The following UPRT variants were observed in gnomAD, a reference collection of about 807,000 sequenced individuals.
UPRT encodes the protein RP11-311P8.3.
A neutral mutation model predicts 22.6 loss-of-function variants in UPRT; 5 were observed. The ratio of observed to expected loss-of-function variants is 0.22; its 90% confidence interval spans 0.12 to 0.47. The LOEUF (loss-of-function observed/expected upper bound fraction) is 0.47. UPRT is among the 20% of genes least tolerant of loss of function. The pLI is 0.99. For missense variants in UPRT, 181 were observed against 239.9 expected (o/e 0.75, Z 1.62); for synonymous variants, 77 against 87.7 (o/e 0.88, Z 0.68).
chrX:75,173,508 C>G (rs1319769657), intron 4 of UPRT, among the ~76,000 whole-genome samples: 1 of 112,703 alleles, frequency 8.9e-6, no homozygotes, highest in Non-Finnish European at 1.9e-5. Context: ...CACGTCCCCA[C>G]CAGACTCAGG....
chrX:75,171,928 G>A (rs970784194), intron 4 of UPRT, among the ~76,000 whole-genome samples: 14 of 111,990 alleles, frequency 1.3e-4, no homozygotes, highest in African/African-American at 4.5e-4. Context: ...GTCCTGTGAT[G>A]TGAACTGTCT....
chrX:75,168,756 C>T (rs934461823), intron 4 of UPRT, among the ~76,000 whole-genome samples: 17 of 110,981 alleles, frequency 1.5e-4, no homozygotes, highest in African/African-American at 5.2e-4. Flanking sequence ...TTTGAACTAC[C>T]GACCCCAGGT....
intron 4 of UPRT, among the ~76,000 whole-genome samples, chrX:75,181,483 G>A (rs6655632): frequency 0.029 from 3,232 of 111,496 alleles, 117 homozygotes; most frequent in African/African-American, 0.1. Context: ...ATCTGTGAGC[G>A]TGGAATGTTT....
chrX:75,240,936 G>A lies in UPRT; in HGVS notation c.-446-50088G>A, dbSNP rs771649193. 2.7e-5 allele frequency among the ~76,000 whole-genome samples: 3 copies of A among 111,539 alleles called. No homozygotes were observed. In the South Asian group the frequency reaches 1.1e-3, roughly 42 times the overall value. ...CTAATACAAAAATCAACTCAAGATA[G>A]ATCAAAAACTTAAATCTAAGACCTG... is the stretch of plus-strand genomic sequence containing the variant. On this transcript the variant is annotated intron_variant, in intron 4 of 13. Coordinates refer to the UPRT transcript ENST00000652605.
At chrX:75,190,873 A>T (rs1041854556) in intron 4 of UPRT, among the ~76,000 whole-genome samples, 1 of 108,308 alleles carries the variant, frequency 9.2e-6, no homozygotes, top group Non-Finnish European at 1.9e-5. Flanking sequence ...CTAGTTATCC[A>T]TTTGTCTATT....
chrX:75,168,296 CAAAT>C (rs2082217821), intron 4 of UPRT, among the ~76,000 whole-genome samples: 1 of 109,111 alleles, frequency 9.2e-6, no homozygotes, highest in South Asian at 4.0e-4. Context: ...GTTTTACAAA[CAAAT>C]AAACTGAATA....
chrX:75,185,080 G>T, intron 4 of UPRT, among the ~76,000 whole-genome samples: 1 of 111,479 alleles, frequency 9.0e-6, no homozygotes, highest in Non-Finnish European at 1.9e-5. Context: ...GGTGAGAGAG[G>T]GCATCCCTGT....
At chrX:75,185,107 A>G (rs1186959021) in intron 4 of UPRT, among the ~76,000 whole-genome samples, 5 of 111,891 alleles carry the variant, frequency 4.5e-5, no homozygotes, top group African/African-American at 1.3e-4. Context: ...CCAGTTTTCA[A>G]AGGGAATGCT....
chrX:75,211,134 G>C (rs923201847), intron 4 of UPRT, among the ~76,000 whole-genome samples: 1 of 110,826 alleles, frequency 9.0e-6, no homozygotes. Context: ...GGTTTGAGGA[G>C]ACTTGCCCCA....
intron 4 of UPRT, chrX:75,297,803 G>A: frequency 2.7e-6 from 1 of 364,012 alleles, no homozygotes; most frequent in Non-Finnish European, 4.8e-6. Context: ...AAGAGATTCA[G>A]AGGAGGATGG....
At chrX:75,221,180 C>A (rs1301325121) in intron 4 of UPRT, among the ~76,000 whole-genome samples, 1 of 111,011 alleles carries the variant, frequency 9.0e-6, no homozygotes, top group Non-Finnish European at 1.9e-5. Context: ...AAACCTGCTG[C>A]CAGATGCTGT....
chrX:75,298,158 T>C (rs2082732560), intron 4 of UPRT, among the ~76,000 whole-genome samples: 2 of 103,816 alleles, frequency 1.9e-5, no homozygotes, highest in South Asian at 8.7e-4. Context: ...AAAAAACAAT[T>C]TTTTTTTTTT....
chrX:75,250,501 A>C (rs2082525190), intron 4 of UPRT, among the ~76,000 whole-genome samples: 3 of 111,894 alleles, frequency 2.7e-5, no homozygotes, highest in Non-Finnish European at 3.8e-5. Context: ...CCCTCCCAAG[A>C]CTAAACCAGG....
At chrX:75,292,097 T>C (rs971951077) in intron 1 of UPRT, among the ~76,000 whole-genome samples, 2 of 112,089 alleles carry the variant, frequency 1.8e-5, no homozygotes, top group Non-Finnish European at 1.9e-5. Context: ...TAACACCGCA[T>C]ATGTCTTTAA....
intron 4 of UPRT, among the ~76,000 whole-genome samples, chrX:75,229,529 C>T (rs1448103713): frequency 5.4e-5 from 6 of 112,006 alleles, no homozygotes; most frequent in Non-Finnish European, 1.1e-4. Context: ...GGTGAGACAG[C>T]TGAAAAACTG....
At chrX:75,267,540 C>T (rs764171103) in intron 4 of UPRT, among the ~76,000 whole-genome samples, 4 of 111,773 alleles carry the variant, frequency 3.6e-5, no homozygotes, top group South Asian at 7.4e-4. Context: ...CAAACCTGCA[C>T]GTTGTGCACA....
intron 4 of UPRT, among the ~76,000 whole-genome samples, chrX:75,186,629 A>T (rs373735666): frequency 3.6e-5 from 4 of 110,978 alleles, no homozygotes; most frequent in South Asian, 3.8e-4. Context: ...GGGTGTTAAA[A>T]TCTCCCATTA....
intron 4 of UPRT, among the ~76,000 whole-genome samples, chrX:75,171,010 C>T (rs1602435788): frequency 9.0e-6 from 1 of 111,439 alleles, no homozygotes; most frequent in African/African-American, 3.3e-5. Context: ...AAGATTCTTT[C>T]CTTTGTCTTG....
At chrX:75,188,185 T>C (rs972845100) in intron 4 of UPRT, among the ~76,000 whole-genome samples, 1 of 112,062 alleles carries the variant, frequency 8.9e-6, no homozygotes, top group African/African-American at 3.2e-5. Flanking sequence ...ATGATGGTGA[T>C]GTACAGAAGG....
Sources: gnomAD v4.1 joint callset for allele counts (sites outside exome capture counted in the v4.1 genomes callset) on GRCh38, gnomAD v4.1.1 for gene constraint, MANE v1.5 for transcripts, NCBI Gene and HGNC (gene_info 2026-07-23, HGNC 2026-07-21) for gene names.